Variants in FRAS1 observed in about 807,000 individuals in gnomAD.
FRAS1 encodes Fraser extracellular matrix complex subunit 1, also known as extracellular matrix organizing protein FRAS1.
In FRAS1, 290 loss-of-function variants were observed where a neutral mutation model predicts 435.2. The ratio of observed to expected loss-of-function variants is 0.67; its 90% CI spans 0.61 to 0.73. FRAS1 has a LOEUF of 0.73. Among genes scored for constraint, FRAS1 ranks in the 30% least tolerant of loss-of-function variants. The pLI is 0.00. For synonymous variants in FRAS1, 1,800 were observed against 1,851.0 expected (o/e 0.97, Z 0.71); for missense variants, 4,860 against 5,001.5 (o/e 0.97, Z 0.85).
rs556984201 is a variant in FRAS1 at position 78,113,636 on chromosome 4, A to G, written c.108+47620A>G. On this transcript the variant is annotated intron_variant, in intron 2 of 73. Transcript: ENST00000512123. ...CTCCATAAATGTCTTCTTTTGAGAAATGTCTGTTCATATCCTTTGCCCACT... is the reference window on the plus strand; with the variant it reads ...CTCCATAAATGTCTTCTTTTGAGAAGTGTCTGTTCATATCCTTTGCCCACT... 3.0e-3 allele frequency among the ~76,000 whole-genome samples: 449 copies of G among 152,182 alleles called. 1 individual carries two copies. The highest frequency in any genetic ancestry group is 0.016 in the South Asian group (77 of 4,814).
chr4:78,327,756 A>G (rs1729775341), intron 18 of FRAS1, among the ~76,000 whole-genome samples: 2 of 152,194 alleles, frequency 1.3e-5, no homozygotes, highest in African/African-American at 4.8e-5. Flanking sequence ...AGGATCTTAG[A>G]CTTCAGACAG....
chr4:78,492,971 A>G (rs1441534555), intron 59 of FRAS1, among the ~76,000 whole-genome samples: 2 of 152,196 alleles, frequency 1.3e-5, no homozygotes, highest in Admixed American at 6.5e-5. Context: ...GGAAAAAACA[A>G]CCCCATCAAA....
chr4:78,460,319 A>G (rs1719330679), intron 47 of FRAS1, among the ~76,000 whole-genome samples: 1 of 152,246 alleles, frequency 6.6e-6, no homozygotes, highest in South Asian at 2.1e-4. Flanking sequence ...GTGGGTCTCC[A>G]TAATACTGCC....
intron 2 of FRAS1, among the ~76,000 whole-genome samples, chr4:78,113,216 C>A (rs1389103656): frequency 2.0e-5 from 3 of 152,136 alleles, no homozygotes; most frequent in African/African-American, 7.2e-5. Context: ...TTTTCTTAAT[C>A]CAGTCTATCA....
At chr4:78,502,035 T>C (rs1720698833) in intron 61 of FRAS1, among the ~76,000 whole-genome samples, 1 of 152,156 alleles carries the variant, frequency 6.6e-6, no homozygotes. Context: ...TGTAAATGTG[T>C]GGTGTTATTT....
At chr4:78,301,398 T>G (rs1728386469) in intron 14 of FRAS1, among the ~76,000 whole-genome samples, 1 of 150,666 alleles carries the variant, frequency 6.6e-6, no homozygotes, top group Non-Finnish European at 1.5e-5. Context: ...AAGCAAATGC[T>G]GAAGAGGAGA....
Position 78,121,195 on chromosome 4 carries a change from T to A in FRAS1, c.108+55179T>A, listed in dbSNP as rs189486227. 5.3e-3 allele frequency among the ~76,000 whole-genome samples: 814 copies of A among 152,306 alleles called. 3 individuals carry two copies. Among genetic ancestry groups the A allele is most frequent in the Non-Finnish European group, 8.8e-3 (599 of 68,030 alleles). ...TTTCTCCTTGAAGCAATAAGCCGTG[T>A]ATGTACATTTTCCTATCATTTTAAG... On this transcript the variant is annotated intron_variant, in intron 2 of 73. Transcript: ENST00000512123.
At chr4:78,460,450 G>A (rs535450176) in intron 47 of FRAS1, among the ~76,000 whole-genome samples, 2 of 152,324 alleles carry the variant, frequency 1.3e-5, no homozygotes, top group South Asian at 2.1e-4. Context: ...TATGTTATTA[G>A]AAACACCACC....
intron 2 of FRAS1, among the ~76,000 whole-genome samples, chr4:78,124,034 G>A (rs145048050): frequency 6.6e-6 from 1 of 152,090 alleles, no homozygotes; most frequent in Non-Finnish European, 1.5e-5. Flanking sequence ...GTGAGACAGG[G>A]TATCCTTGTC....
At chr4:78,119,716 A>T (rs1718901556) in intron 2 of FRAS1, among the ~76,000 whole-genome samples, 1 of 152,178 alleles carries the variant, frequency 6.6e-6, no homozygotes, top group Non-Finnish European at 1.5e-5. Context: ...AAACTCTGCC[A>T]CGTAACACAG....
chr4:78,237,764 G>A (rs375684388), intron 3 of FRAS1, 147 bp downstream of exon 3: 46 of 461,794 alleles, frequency 1.0e-4, no homozygotes, highest in African/African-American at 8.7e-4. Flanking sequence ...TTAACGTATT[G>A]CATCTAAGAA....
intron 14 of FRAS1, among the ~76,000 whole-genome samples, chr4:78,301,625 T>C (rs1488260303): frequency 6.6e-6 from 1 of 152,132 alleles, no homozygotes; most frequent in African/African-American, 2.4e-5. Context: ...CTGATTCTGA[T>C]GGTGCTGCAG....
At chr4:78,417,028 A>G (rs1733580378) in intron 32 of FRAS1, among the ~76,000 whole-genome samples, 1 of 152,186 alleles carries the variant, frequency 6.6e-6, no homozygotes, top group African/African-American at 2.4e-5. Flanking sequence ...AATGATTTCT[A>G]TGAAGTTTAA....
At chr4:78,204,036 A>G (rs1049262393) in intron 2 of FRAS1, among the ~76,000 whole-genome samples, 5 of 152,154 alleles carry the variant, frequency 3.3e-5, no homozygotes, top group African/African-American at 1.2e-4. Flanking sequence ...CCCTACAAAC[A>G]CTTGTGTTAG....
chr4:78,264,145 T>C (rs1726241759), intron 6 of FRAS1, among the ~76,000 whole-genome samples: 2 of 152,242 alleles, frequency 1.3e-5, no homozygotes, highest in African/African-American at 4.8e-5. Context: ...CTTTCATGTC[T>C]CCTTTCCTGA....
At chr4:78,321,907 G>T (rs1729525731) in intron 18 of FRAS1, among the ~76,000 whole-genome samples, 1 of 151,214 alleles carries the variant, frequency 6.6e-6, no homozygotes, top group Non-Finnish European at 1.5e-5. Context: ...CCATGTGAAA[G>T]GACTGAATTG....
intron 14 of FRAS1, among the ~76,000 whole-genome samples, chr4:78,305,685 C>G (rs1402097530): frequency 6.6e-6 from 1 of 151,018 alleles, no homozygotes; most frequent in Non-Finnish European, 1.5e-5. Context: ...GGATTGCAAC[C>G]CCTGCCTTTT....
chr4:78,280,754 C>T (rs1405322416), intron 10 of FRAS1, among the ~76,000 whole-genome samples: 1 of 152,074 alleles, frequency 6.6e-6, no homozygotes, highest in Non-Finnish European at 1.5e-5. Flanking sequence ...TGTAAACTAG[C>T]GATAACAATA....
intron 2 of FRAS1, among the ~76,000 whole-genome samples, chr4:78,112,043 T>C (rs1177640197): frequency 1.3e-5 from 2 of 152,178 alleles, no homozygotes; most frequent in African/African-American, 4.8e-5. Context: ...AGTTTTGTAC[T>C]GTATTGACAA....
Sources: gnomAD v4.1 joint callset for allele counts (sites outside exome capture counted in the v4.1 genomes callset) on GRCh38, gnomAD v4.1.1 for gene constraint, MANE v1.5 for transcripts, NCBI Gene and HGNC (gene_info 2026-07-23, HGNC 2026-07-21) for gene names.